FBXO21: variants seen among roughly 807,000 people sequenced by gnomAD.
FBXO21 encodes F-box only protein 21.
In FBXO21, 32 loss-of-function variants were observed where a neutral mutation model predicts 76.6. The ratio of observed to expected loss-of-function variants is 0.42; its 90% CI spans 0.32 to 0.56. The LOEUF is 0.56. FBXO21 is among the 20% of genes least tolerant of loss of function. The pLI, the probability that FBXO21 is intolerant of heterozygous loss-of-function variation, is 0.16. For synonymous variants in FBXO21, 328 were observed against 311.5 expected, an observed-to-expected ratio of 1.05 and a Z score of -0.56; for missense variants, 586 against 797.3, an observed-to-expected ratio of 0.73 and a Z score of 3.19.
In FBXO21 at chr12:117,169,651, C is replaced by A. The variant is rs922165070; in HGVS notation, c.1014-2574G>T. Among the ~76,000 whole-genome samples the A allele has an allele frequency of 3.3e-5, 5 of 152,018 alleles. No homozygotes were observed. In the East Asian group the frequency reaches 9.6e-4, roughly 29 times the overall value. ...AGCTTTCATAATCCCTAACTGCTCC[C>A]AACAGCATGCCTGCTGGTGAATTTT... On this transcript the variant is annotated intron_variant, in intron 7 of 11. Coordinates refer to ENST00000622495, the MANE Select transcript of FBXO21 (RefSeq NM_015002.3).
Position 117,145,613 on chromosome 12 carries a change from C to T in FBXO21, c.*474G>A, listed in dbSNP as rs181304606. On this transcript the variant is annotated 3_prime_UTR_variant, in exon 12 of 12. Coordinates refer to ENST00000622495, the MANE Select transcript of FBXO21 (RefSeq NM_015002.3). The stretch of plus-strand genomic sequence containing the variant: ...TTACCTCTGAATATGCAACTAACTT[C>T]AGGGTAAAAAGACACACAGTCCTCA... 2 of 152,644 alleles carry T rather than the reference C, an allele frequency of 1.3e-5. No homozygotes were observed. The highest frequency in any genetic ancestry group is 3.9e-4 in the East Asian group (2 of 5,188). The allele number at this position is 152,644 out of a possible 1,614,324, so 9.5% of individuals were successfully genotyped here. A position where few individuals can be genotyped will look rare whatever the true frequency, so the allele number is the denominator to read the frequency against.
intron 9 of FBXO21, among the ~76,000 whole-genome samples, chr12:117,158,363 G>T (rs764396947): frequency 2.0e-4 from 31 of 152,170 alleles, no homozygotes; most frequent in Non-Finnish European, 4.1e-4. Context: ...TGGGATAAGC[G>T]CTGGGGACGC....
intron 7 of FBXO21, among the ~76,000 whole-genome samples, chr12:117,170,416 G>C (rs1452766957): frequency 1.3e-5 from 2 of 152,192 alleles, no homozygotes; most frequent in African/African-American, 4.8e-5. Context: ...GAGAGCAAAA[G>C]CTAAAAACAG....
chr12:117,174,566 G>T, intron 5 of FBXO21, 85 bp downstream of exon 5: 1 of 1,467,896 alleles, frequency 6.8e-7, no homozygotes, highest in Non-Finnish European at 9.4e-7. Flanking sequence ...TGACATAATG[G>T]CAGCACACTA....
chr12:117,177,281 G>A (rs1956185450), intron 4 of FBXO21, among the ~76,000 whole-genome samples: 1 of 152,188 alleles, frequency 6.6e-6, no homozygotes, highest in African/African-American at 2.4e-5. Flanking sequence ...TTAAGCCAAT[G>A]ATGCATCTTT....
At chr12:117,165,445 T>C in intron 9 of FBXO21, 40 bp downstream of exon 9, 1 of 1,595,236 alleles carries the variant, frequency 6.3e-7, no homozygotes, top group African/African-American at 1.3e-5. Flanking sequence ...AGGACTTCCC[T>C]TTCTAAGGCA....
chr12:117,165,746 T>C, intron 8 of FBXO21, 129 bp from the exon 9 acceptor site: 1 of 892,684 alleles, frequency 1.1e-6, no homozygotes. Context: ...GTATTTCTTC[T>C]CAGCTCAACG....
chr12:117,142,117 A>C lies in FBXO21; in HGVS notation c.*3970T>G, dbSNP rs1307626372. ...CACCGGAGGGACGTCCTTTACTTTC[A>C]AGATTCTAAATTTTTCAGAAATGCA... is the stretch of plus-strand genomic sequence containing the variant. On this transcript the variant is annotated 3_prime_UTR_variant, in exon 12 of 12. Transcript: ENST00000622495. 1 of 103,996 alleles carries C rather than the reference A, an allele frequency of 9.6e-6. No homozygotes were observed. Among genetic ancestry groups the C allele is most frequent in the Non-Finnish European group, 2.4e-5 (1 of 41,984 alleles). 6.4% of individuals were successfully genotyped at this position (103,996 alleles called of 1,614,324 possible).
intron 7 of FBXO21, among the ~76,000 whole-genome samples, chr12:117,170,337 C>A (rs1241340385): frequency 8.5e-5 from 13 of 152,202 alleles, no homozygotes; most frequent in Admixed American, 3.3e-4. Context: ...TCAAAGTAAT[C>A]CCTGGCTCCA....
chr12:117,167,211 G>T, intron 7 of FBXO21, 134 bp from the exon 8 acceptor site: 1 of 702,476 alleles, frequency 1.4e-6, no homozygotes, highest in Non-Finnish European at 2.4e-6. Flanking sequence ...TCTTGTCCAA[G>T]TTTAAAATCT....
rs569756225 is a variant in FBXO21, at chr12:117,145,931, C to T, written c.*156G>A. ...GTCTTTGCAGCTGGGGAAGAGCACA[C>T]GGTATTTAAACTTAGTAGGAGGCAA... On this transcript the variant is annotated 3_prime_UTR_variant, in exon 12 of 12. Coordinates refer to ENST00000622495, the MANE Select transcript of FBXO21 (RefSeq NM_015002.3). The T allele has an allele frequency of 1.2e-4, 65 of 530,758 alleles. 1 individual carries two copies. Among genetic ancestry groups the T allele is most frequent in the African/African-American group, 8.1e-4 (42 of 51,904 alleles). The allele number at this position is 530,758 out of a possible 1,614,324, so 32.9% of individuals were successfully genotyped here. A position where few individuals can be genotyped will look rare whatever the true frequency, so the allele number is the denominator to read the frequency against.
At chr12:117,169,488 A>C (rs1956095310) in intron 7 of FBXO21, among the ~76,000 whole-genome samples, 1 of 152,208 alleles carries the variant, frequency 6.6e-6, no homozygotes, top group Non-Finnish European at 1.5e-5. Context: ...CTATTACAAC[A>C]AAAAAATATA....
intron 11 of FBXO21, chr12:117,154,223 AC>A (rs1405651509): frequency 6.6e-6 from 1 of 152,378 alleles, no homozygotes; most frequent in Admixed American, 6.5e-5. Context: ...AAATAACATT[AC>A]CGTTGGTGCC....
Position 117,144,257 on chromosome 12 carries a change from G to A in FBXO21, c.*1830C>T, listed in dbSNP as rs1008739290. 1.3e-5 allele frequency: 2 copies of A among 152,142 alleles called. No individual in the cohort carries two copies. The highest frequency in any genetic ancestry group is 2.9e-5 in the Non-Finnish European group (2 of 68,042). The allele number at this position is 152,142 out of a possible 1,614,324, so 9.4% of individuals were successfully genotyped here. A position where few individuals can be genotyped will look rare whatever the true frequency, so the allele number is the denominator to read the frequency against. On this transcript the variant is annotated 3_prime_UTR_variant, in exon 12 of 12. Transcript: ENST00000622495. ...CATCTCATTCATATTAATTAATTCCGTATTATCAAACTTTCCCCTTTAAAT... is the reference window on the plus strand; with the variant it reads ...CATCTCATTCATATTAATTAATTCCATATTATCAAACTTTCCCCTTTAAAT...
At position 117,190,457 on chromosome 12, in the gene FBXO21, C is replaced by T. The variant is rs367941901; in HGVS notation, c.-1G>A. 3.5e-4 allele frequency: 469 copies of T among 1,322,784 alleles called. 1 individual carries two copies. The African/African-American group carries it at 6.6e-3, about 19-fold the overall frequency. 81.9% of individuals were successfully genotyped at this position (1,322,784 alleles called of 1,614,324 possible). A position where few individuals can be genotyped will look rare whatever the true frequency, so the allele number is the denominator to read the frequency against. ...CGCTGTCGACTGCTGCCGCCGCCAT[C>T]TTGTCCGCGTACCTGGGGCCGCCGC... On this transcript the variant is annotated 5_prime_UTR_variant, in exon 1 of 12. Coordinates refer to ENST00000622495, the MANE Select transcript of FBXO21 (RefSeq NM_015002.3).
chr12:117,160,753 G>A (rs1317255777), intron 9 of FBXO21, among the ~76,000 whole-genome samples: 1 of 152,026 alleles, frequency 6.6e-6, no homozygotes, highest in African/African-American at 2.4e-5. Flanking sequence ...CCTCAGCCTC[G>A]CAAGTAGCTG....
chr12:117,172,651 C>T (rs771652184), intron 6 of FBXO21, 44 bp from the exon 7 acceptor site: 1 of 1,581,694 alleles, frequency 6.3e-7, no homozygotes, highest in Non-Finnish European at 8.6e-7. Context: ...ATGAACTATA[C>T]GTTCTCATTC....
At chr12:117,165,321 A>G (rs1448653709) in intron 9 of FBXO21, among the ~76,000 whole-genome samples, 164 bp downstream of exon 9, 1 of 152,192 alleles carries the variant, frequency 6.6e-6, no homozygotes, top group Non-Finnish European at 1.5e-5. Context: ...TTTCCTTAGA[A>G]TAAGAGAAGT....
At chr12:117,182,056 C>T (rs1467881540) in intron 3 of FBXO21, among the ~76,000 whole-genome samples, 1 of 152,202 alleles carries the variant, frequency 6.6e-6, no homozygotes, top group Non-Finnish European at 1.5e-5. Flanking sequence ...CAAGCTGATA[C>T]TTTGGCATTT....
Sources: allele counts gnomAD v4.1 joint callset (sites outside exome capture counted in the v4.1 genomes callset), GRCh38; gene constraint gnomAD v4.1.1; transcripts MANE v1.5; gene names NCBI Gene and HGNC (gene_info 2026-07-23, HGNC 2026-07-21).